TOMM22: variants seen among roughly 807,000 people sequenced by gnomAD.
The protein encoded by TOMM22 is mitochondrial import receptor subunit TOM22 homolog.
Under a neutral mutation model 17.1 loss-of-function variants are expected in TOMM22, and 3 were observed. The observed-to-expected ratio is 0.18, with a 90% CI of 0.08 to 0.45. The LOEUF (loss-of-function observed/expected upper bound fraction) is 0.45. Ranked by LOEUF, TOMM22 falls within the 20% of genes least tolerant of loss-of-function variation. The pLI, the probability that TOMM22 is intolerant of heterozygous loss-of-function variation, is 0.99. For synonymous variants in TOMM22, 91 were observed against 74.0 expected (o/e 1.23, Z -1.18); for missense variants, 159 against 179.5 (o/e 0.89, Z 0.65).
In TOMM22 at chr22:38,682,000, G is replaced by A. The variant is rs773218686; in HGVS notation, c.22G>A (p.Ala8Thr). Residue 8 changes from alanine to threonine, a missense_variant, in exon 1 of 4, where the codon GCC becomes ACC. Transcript: ENST00000216034. The part of the protein sequence containing the change: MAAAVAA[A>T]GAGEPQSPDE... Reference sequence around the variant, plus strand: ...AGTCATGGCTGCCGCCGTCGCTGCTGCCGGTGCAGGGGAACCCCAGTCCCC... The same window carrying A: ...AGTCATGGCTGCCGCCGTCGCTGCTACCGGTGCAGGGGAACCCCAGTCCCC... The A allele has an allele frequency of 1.2e-6, 2 of 1,611,484 alleles. No individual in the cohort carries two copies. The highest frequency in any genetic ancestry group is 2.7e-5 in the African/African-American group (2 of 74,912).
chr22:38,682,361 G>A lies in TOMM22; in HGVS notation c.156G>A (p.Thr52=), dbSNP rs537586034. 3.6e-5 allele frequency: 58 copies of A among 1,614,208 alleles called. No individual in the cohort carries two copies. The Admixed American group carries it at 4.2e-4, about 12-fold the overall frequency. The change falls in exon 2 of 4, where the codon ACG becomes ACA. Residue 52 remains threonine (T), a synonymous_variant. Coordinates refer to ENST00000216034, the MANE Select transcript of TOMM22 (RefSeq NM_020243.5). ...ETLSERLWGL[T]EMFPERVRSA... is the part of the protein sequence containing the mutation. ...TGTCGGAGAGACTATGGGGCCTGAC[G>A]GAGATGTTTCCGGAGAGGGTCCGGT...
intron 2 of TOMM22, 57 bp downstream of exon 2, chr22:38,682,498 A>G: frequency 4.0e-6 from 6 of 1,507,150 alleles, no homozygotes; most frequent in East Asian, 2.3e-5. Context: ...TGGTGCTGTG[A>G]AAGAACACGG....
rs1056610 is a variant in TOMM22, at chr22:38,684,073, T to C, written c.*232T>C. 168,839 of 491,696 alleles carry C rather than the reference T, an allele frequency of 0.34. 30,753 individuals are homozygous for C. Among genetic ancestry groups the C allele is most frequent in the African/African-American group, 0.51 (26,707 of 52,688 alleles). The allele number at this position is 491,696 out of a possible 1,614,324, so 30.5% of individuals were successfully genotyped here. A position where few individuals can be genotyped will look rare whatever the true frequency, so the allele number is the denominator to read the frequency against. On this transcript the variant is annotated 3_prime_UTR_variant, in exon 4 of 4. Transcript: ENST00000216034. ...TGATACCAGAGTGCAGCCATGCAGATGGTTATTCCAGCTCTGGTCACCCGA... is the reference window on the plus strand; with the variant it reads ...TGATACCAGAGTGCAGCCATGCAGACGGTTATTCCAGCTCTGGTCACCCGA...
chr22:38,683,018 T>C (rs1408204846), intron 3 of TOMM22, 22 bp downstream of exon 3: 1 of 1,604,672 alleles, frequency 6.2e-7, no homozygotes, highest in African/African-American at 1.3e-5. Context: ...CCTTGGGCTT[T>C]TTGCCAGTGG....
chr22:38,682,422 G>C lies in TOMM22; in HGVS notation c.217G>C (p.Val73Leu). 6.2e-7 allele frequency: 1 copy of C among 1,614,198 alleles called. No homozygotes were observed. The highest frequency in any genetic ancestry group is 8.5e-7 in the Non-Finnish European group (1 of 1,180,040). ...AGATFDLSLFVAQKMYRFSRA... is the reference protein window; with the variant it reads ...AGATFDLSLFLAQKMYRFSRA... ...AGCCACTTTTGATCTTTCCCTCTTTGTGGCTCAGAAAATGTACAGGTAAGG... is the reference window on the plus strand; with the variant it reads ...AGCCACTTTTGATCTTTCCCTCTTTCTGGCTCAGAAAATGTACAGGTAAGG... Residue 73 changes from valine to leucine, a missense_variant, in exon 2 of 4, where the codon GTG becomes CTG. By Grantham distance (32) the Val-to-Leu change is conservative. This residue lies in a region of TOMM22 where 107 missense variants were observed against 100.2 expected (regional missense o/e 1.07). Coordinates refer to ENST00000216034, the MANE Select transcript of TOMM22 (RefSeq NM_020243.5).
In TOMM22 at chr22:38,683,993, A is replaced by G. The variant is rs1569260288; in HGVS notation, c.*152A>G. On this transcript the variant is annotated 3_prime_UTR_variant, in exon 4 of 4. Transcript: ENST00000216034. ...GAATTATCCCCACATTGTCTCATGG[A>G]AAGACTCAACTTGCAACTGTGCCCT... 1.5e-6 allele frequency: 1 copy of G among 652,686 alleles called. No homozygotes were observed. Among genetic ancestry groups the G allele is most frequent in the Non-Finnish European group, 2.6e-6 (1 of 379,224 alleles). The allele number at this position is 652,686 out of a possible 1,614,324, so 40.4% of individuals were successfully genotyped here. A position where few individuals can be genotyped will look rare whatever the true frequency, so the allele number is the denominator to read the frequency against.
intron 3 of TOMM22, 140 bp downstream of exon 3, chr22:38,683,136 G>A (rs1319328320): frequency 1.9e-5 from 9 of 471,102 alleles, no homozygotes; most frequent in East Asian, 1.7e-4. Context: ...GGGGGTGGCC[G>A]GGGGTCGGGG....
chr22:38,682,312 C>T lies in TOMM22; in HGVS notation c.118-11C>T. The stretch of plus-strand genomic sequence containing the variant: ...CTTTTTCGGCTAAGACCCGCGTCTA[C>T]TCCACCACAGCTAGATGAGACCCTG... On this transcript the variant is annotated splice_polypyrimidine_tract_variant and intron_variant, in intron 1 of 3. Transcript: ENST00000216034. 1 of 1,611,938 alleles carries T rather than the reference C, an allele frequency of 6.2e-7. No individual in the cohort carries two copies. Among genetic ancestry groups the T allele is most frequent in the Non-Finnish European group, 8.5e-7 (1 of 1,178,110 alleles).
rs1302802865 is a variant in TOMM22 at position 38,684,756 on chromosome 22, G to A, written c.*915G>A. ...ACTGTGTAATTATAAAGTATTTGTA[G>A]GGAATAACATAGTACTGATTTCTGG... is the stretch of plus-strand genomic sequence containing the variant. On this transcript the variant is annotated 3_prime_UTR_variant, in exon 4 of 4. Coordinates refer to ENST00000216034, the MANE Select transcript of TOMM22 (RefSeq NM_020243.5). 1 of 151,878 alleles carries A rather than the reference G, an allele frequency of 6.6e-6. No individual in the cohort carries two copies. The highest frequency in any genetic ancestry group is 2.4e-5 in the African/African-American group (1 of 41,328). 9.4% of individuals were successfully genotyped at this position (151,878 alleles called of 1,614,324 possible).
In TOMM22 at chr22:38,682,504, C is replaced by A. The variant is rs1330819473; in HGVS notation, c.236+63C>A. ...GGATGGTCGTGGTGCTGTGAAAGAA[C>A]ACGGGGTTTGGAAGCAGCAGACCCG... On this transcript the variant is annotated intron_variant, in intron 2 of 3. Coordinates refer to ENST00000216034, the MANE Select transcript of TOMM22 (RefSeq NM_020243.5). The A allele has an allele frequency of 3.4e-6, 5 of 1,485,996 alleles. No homozygotes were observed. In the East Asian group the frequency reaches 6.8e-5, roughly 20 times the overall value. 92.1% of individuals were successfully genotyped at this position (1,485,996 alleles called of 1,614,324 possible).
chr22:38,682,390 C>T lies in TOMM22; in HGVS notation c.185C>T (p.Ala62Val), dbSNP rs942935172. The T allele has an allele frequency of 1.2e-6, 2 of 1,614,190 alleles. No homozygotes were observed. Among genetic ancestry groups the T allele is most frequent in the Non-Finnish European group, 1.7e-6 (2 of 1,180,038 alleles). ...TEMFPERVRSAAGATFDLSLF... is the reference protein window; with the variant it reads ...TEMFPERVRSVAGATFDLSLF... ...ATGTTTCCGGAGAGGGTCCGGTCCG[C>T]GGCCGGAGCCACTTTTGATCTTTCC... The change falls in exon 2 of 4, where the codon GCG becomes GTG. Residue 62 changes from alanine to valine, a missense_variant. Ala to Val is a moderately conservative substitution (Grantham distance 64). This residue lies in a region of TOMM22 where 107 missense variants were observed against 100.2 expected (regional missense o/e 1.07). Transcript: ENST00000216034.
rs781440582 is a variant in TOMM22, at chr22:38,682,873, C to T, written c.237-6C>T. 3.7e-6 allele frequency: 6 copies of T among 1,612,536 alleles called. No individual in the cohort carries two copies. Among genetic ancestry groups the T allele is most frequent in the South Asian group, 1.1e-5 (1 of 91,014 alleles). On this transcript the variant is annotated splice_polypyrimidine_tract_variant and splice_region_variant and intron_variant, in intron 2 of 3. Coordinates refer to ENST00000216034, the MANE Select transcript of TOMM22 (RefSeq NM_020243.5). ...ATGCTCACCCTCTGGGGATTTTCCT[C>T]TGCAGGTTTTCCAGGGCAGCCTTGT...
chr22:38,683,371 C>G (rs1044733633), intron 3 of TOMM22, among the ~76,000 whole-genome samples: 8 of 152,156 alleles, frequency 5.3e-5, no homozygotes, highest in Non-Finnish European at 1.0e-4. Context: ...CTCGCATGCA[C>G]TGTTCACAAG....
chr22:38,683,915 A>ATT lies in TOMM22; in HGVS notation c.*88_*89dup, dbSNP rs139107203. 3.9e-4 allele frequency: 420 copies of ATT among 1,075,238 alleles called. No homozygotes were observed. Among genetic ancestry groups the ATT allele is most frequent in the African/African-American group, 6.6e-4 (40 of 60,204 alleles). 66.6% of individuals were successfully genotyped at this position (1,075,238 alleles called of 1,614,324 possible). ...AGTGTTTGAACTGCTGATAATTTGGATTTTTTTTTTTTTTTAACTTTGGCA... is the reference window on the plus strand; with the variant it reads ...AGTGTTTGAACTGCTGATAATTTGGATTTTTTTTTTTTTTTTTAACTTTGGCA... On this transcript the variant is annotated 3_prime_UTR_variant, in exon 4 of 4. Coordinates refer to ENST00000216034, the MANE Select transcript of TOMM22 (RefSeq NM_020243.5).
chr22:38,682,805 T>C (rs1190992566), intron 2 of TOMM22, 74 bp from the exon 3 acceptor site: 4 of 1,262,438 alleles, frequency 3.2e-6, no homozygotes, highest in African/African-American at 3.0e-5. Flanking sequence ...TGTGAGAGGT[T>C]TGGTTACTGG....
rs375919122 is a variant in TOMM22, at chr22:38,682,239, G to A, written c.118-84G>A. On this transcript the variant is annotated intron_variant, in intron 1 of 3. Transcript: ENST00000216034. ...GGGCCCTGGGTGCCCTAGCTCCAGT[G>A]GGGCTCGGCGGCTCCCAGTGCCGCA... 2.9e-5 allele frequency: 45 copies of A among 1,531,034 alleles called. 1 individual carries two copies. Among genetic ancestry groups the A allele is most frequent in the South Asian group, 2.7e-4 (24 of 88,028 alleles). The allele number at this position is 1,531,034 out of a possible 1,614,324, so 94.8% of individuals were successfully genotyped here. A position where few individuals can be genotyped will look rare whatever the true frequency, so the allele number is the denominator to read the frequency against.
At chr22:38,682,526 C>A in intron 2 of TOMM22, 85 bp downstream of exon 2, 1 of 1,269,148 alleles carries the variant, frequency 7.9e-7, no homozygotes, top group Admixed American at 1.7e-5. Context: ...AAGCAGCAGA[C>A]CCGTGTTGGG....
chr22:38,682,160 G>A, intron 1 of TOMM22, 65 bp downstream of exon 1: 1 of 1,523,620 alleles, frequency 6.6e-7, no homozygotes, highest in Non-Finnish European at 8.9e-7. Flanking sequence ...GATCCGCGTG[G>A]TACGGGATCG....
Position 38,682,455 on chromosome 22 carries a change from G to T in TOMM22, c.236+14G>T. 1 of 1,609,572 alleles carries T rather than the reference G, an allele frequency of 6.2e-7. No homozygotes were observed. Among genetic ancestry groups the T allele is most frequent in the Admixed American group, 1.7e-5 (1 of 60,020 alleles). ...GAAAATGTACAGGTAAGGAACGAGG[G>T]CAAAGGCACTGGGTACGTGCATGGG... On this transcript the variant is annotated intron_variant, in intron 2 of 3. Coordinates refer to ENST00000216034, the MANE Select transcript of TOMM22 (RefSeq NM_020243.5).
Sources: allele counts gnomAD v4.1 joint callset (sites outside exome capture counted in the v4.1 genomes callset), GRCh38; gene constraint gnomAD v4.1.1; regional missense constraint gnomAD v4.1.1; transcripts MANE v1.5; gene names NCBI Gene and HGNC (gene_info 2026-07-23, HGNC 2026-07-21).